Variants in FLNB observed in about 807,000 individuals in gnomAD.
FLNB encodes filamin B.
Under a neutral mutation model 250.6 loss-of-function variants are expected in FLNB, and 111 were observed. The ratio of observed to expected loss-of-function variants is 0.44; its 90% confidence interval spans 0.38 to 0.52. The LOEUF (loss-of-function observed/expected upper bound fraction) is 0.52, where lower values mean the gene tolerates loss of function less well. Ranked by LOEUF, FLNB falls within the 20% of genes least tolerant of loss-of-function variation. FLNB has a pLI of 0.00. For missense variants in FLNB, 2,869 were observed against 3,447.8 expected (o/e 0.83, Z 4.20); for synonymous variants, 1,302 against 1,372.1 (o/e 0.95, Z 1.13).
chr3:58,024,729 AAC>A (rs2097120679), intron 1 of FLNB, among the ~76,000 whole-genome samples: 1 of 86,722 alleles, frequency 1.2e-5, no homozygotes, highest in Non-Finnish European at 1.9e-5. Context: ...TTTTTTTTTT[AAC>A]CTTGAGACAG....
At chr3:58,131,136 T>C (rs1328902377) in intron 25 of FLNB, among the ~76,000 whole-genome samples, 1 of 152,218 alleles carries the variant, frequency 6.6e-6, no homozygotes, top group East Asian at 1.9e-4. Flanking sequence ...GCTATCAATT[T>C]CTTAGAGGAA....
rs200328630 is a variant in FLNB at position 58,170,615 on chromosome 3, C to T, written c.7662C>T (p.Thr2554=). Residue 2554 remains threonine, a synonymous_variant, in exon 46 of 46, where the codon ACC becomes ACT. Coordinates refer to ENST00000295956, the MANE Select transcript of FLNB (RefSeq NM_001457.4). The part of the protein sequence containing the change: ...MLLIGVHGPT[T]PCEEVSMKHV... ...TGATCGGGGTCCATGGGCCCACCAC[C>T]CCCTGCGAGGAGGTCTCCATGAAGC... 2 of 1,614,152 alleles carry T rather than the reference C, an allele frequency of 1.2e-6. No individual in the cohort carries two copies. The highest frequency in any genetic ancestry group is 1.7e-6 in the Non-Finnish European group (2 of 1,180,044).
chr3:58,018,277 T>C (rs2097108591), intron 1 of FLNB, among the ~76,000 whole-genome samples: 1 of 150,496 alleles, frequency 6.6e-6, no homozygotes, highest in Non-Finnish European at 1.5e-5. Context: ...AGACATTAAA[T>C]GAGACAGCGA....
chr3:58,094,819 G>A lies in FLNB; in HGVS notation c.788-17G>A, dbSNP rs758651741. ...CCCTCGCCTGGCTTCTAACATGTCT[G>A]TGTAAACCTGTGGCAGGAATCGAGC... On this transcript the variant is annotated splice_polypyrimidine_tract_variant and intron_variant, in intron 4 of 45. Transcript: ENST00000295956. 1.0e-5 allele frequency: 16 copies of A among 1,606,652 alleles called. No individual in the cohort carries two copies. The highest frequency in any genetic ancestry group is 1.4e-5 in the Non-Finnish European group (16 of 1,173,284).
At chr3:58,019,192 C>T (rs2097110201) in intron 1 of FLNB, among the ~76,000 whole-genome samples, 1 of 152,154 alleles carries the variant, frequency 6.6e-6, no homozygotes, top group Admixed American at 6.6e-5. Context: ...AATAATGCTG[C>T]ACGCAGTACC....
At chr3:58,075,063 TA>T (rs1217853945) in intron 1 of FLNB, among the ~76,000 whole-genome samples, 26 of 152,224 alleles carry the variant, frequency 1.7e-4, no homozygotes, top group Non-Finnish European at 1.5e-5. Context: ...TCAGGTTAAT[TA>T]AAAAAATAAG....
intron 42 of FLNB, among the ~76,000 whole-genome samples, chr3:58,161,092 G>A (rs1189697151): frequency 1.3e-5 from 2 of 152,214 alleles, no homozygotes; most frequent in Non-Finnish European, 2.9e-5. Context: ...AAAGGATGGG[G>A]TCAGATCCTG....
At chr3:58,072,935 G>A (rs62259287) in intron 1 of FLNB, among the ~76,000 whole-genome samples, 184 of 152,230 alleles carry the variant, frequency 1.2e-3, no homozygotes, top group Non-Finnish European at 2.2e-3. Context: ...AGAGCAAGCC[G>A]ATTTCATGTT....
intron 36 of FLNB, chr3:58,149,249 TC>T: frequency 3.5e-6 from 1 of 287,504 alleles, no homozygotes; most frequent in South Asian, 3.9e-5. Context: ...ATGAAGCATC[TC>T]TTTCTGTTTT....
intron 1 of FLNB, among the ~76,000 whole-genome samples, chr3:58,070,903 G>T (rs2097193461): frequency 6.6e-6 from 1 of 150,468 alleles, no homozygotes; most frequent in South Asian, 2.1e-4. Flanking sequence ...GCCCTCCTTG[G>T]CCTCCCAAAG....
At position 58,097,841 on chromosome 3, in the gene FLNB, C is replaced by T. The variant is rs772334350; in HGVS notation, c.1011C>T (p.His337=). Residue 337 remains histidine, a synonymous_variant, in exon 7 of 46, where the codon CAC becomes CAT. Coordinates refer to ENST00000295956, the MANE Select transcript of FLNB (RefSeq NM_001457.4). ...HKVTVLFAGQ[H]ISKSPFEVSV... is the part of the protein sequence containing the mutation. Reference sequence around the variant, plus strand: ...TCACAGTCCTCTTTGCAGGACAGCACATCTCCAAGAGCCCATTTGAAGTGA... The same window carrying T: ...TCACAGTCCTCTTTGCAGGACAGCATATCTCCAAGAGCCCATTTGAAGTGA... 6.8e-6 allele frequency: 11 copies of T among 1,613,988 alleles called. No individual in the cohort carries two copies. Among genetic ancestry groups the T allele is most frequent in the South Asian group, 4.4e-5 (4 of 91,080 alleles).
chr3:58,168,844 C>T (rs1286246753), intron 44 of FLNB, 186 bp downstream of exon 44: 12 of 641,000 alleles, frequency 1.9e-5, no homozygotes, highest in African/African-American at 9.0e-5. Flanking sequence ...AGAGTGGAGC[C>T]GTGCAGAAGT....
intron 1 of FLNB, among the ~76,000 whole-genome samples, chr3:58,037,845 A>G (rs936146608): frequency 6.6e-6 from 1 of 152,250 alleles, no homozygotes; most frequent in African/African-American, 2.4e-5. Flanking sequence ...ATGATCTTAA[A>G]TGAAAACCAC....
At position 58,081,544 on chromosome 3, in the gene FLNB, G is replaced by T. The variant is rs1437742057; in HGVS notation, c.640-85G>T. 3.4e-5 allele frequency: 42 copies of T among 1,246,772 alleles called. 1 individual carries two copies. In the South Asian group the frequency reaches 4.7e-4, roughly 14 times the overall value. The allele number at this position is 1,246,772 out of a possible 1,614,324, so 77.2% of individuals were successfully genotyped here. A position where few individuals can be genotyped will look rare whatever the true frequency, so the allele number is the denominator to read the frequency against. The stretch of plus-strand genomic sequence containing the variant: ...GACTCAGTTTCTTAATATTTGTAGT[G>T]CTTGGTTTAAGAGGCATTTGCAAAC... On this transcript the variant is annotated intron_variant, in intron 3 of 45. Transcript: ENST00000295956.
chr3:58,016,342 C>G (rs929063014), intron 1 of FLNB, among the ~76,000 whole-genome samples: 3 of 152,008 alleles, frequency 2.0e-5, no homozygotes, highest in Admixed American at 6.6e-5. Flanking sequence ...GCGTGAGCCA[C>G]GGCATCCAGC....
intron 38 of FLNB, chr3:58,152,794 G>A (rs745570431): frequency 3.8e-6 from 5 of 1,317,138 alleles, no homozygotes; most frequent in Middle Eastern, 2.1e-4. Flanking sequence ...GCAGTGCTCC[G>A]TGCCCCGCAT....
intron 18 of FLNB, among the ~76,000 whole-genome samples, chr3:58,116,265 C>T (rs1015242160): frequency 2.0e-5 from 3 of 152,194 alleles, no homozygotes; most frequent in East Asian, 3.8e-4. Flanking sequence ...CCCCCTGACA[C>T]GGGGGAGGGA....
At chr3:58,098,446 T>A (rs539713187) in intron 7 of FLNB, among the ~76,000 whole-genome samples, 1 of 152,216 alleles carries the variant, frequency 6.6e-6, no homozygotes, top group Non-Finnish European at 1.5e-5. Flanking sequence ...TTCTCATACA[T>A]CAGCCTCTCA....
At chr3:58,148,974 T>C (rs2097340462) in intron 36 of FLNB, 122 bp downstream of exon 36, 2 of 869,280 alleles carry the variant, frequency 2.3e-6, no homozygotes, top group Non-Finnish European at 3.8e-6. Flanking sequence ...AAGCTATAGG[T>C]CCTTCTGCCT....
Sources: gnomAD v4.1 joint callset for allele counts (sites outside exome capture counted in the v4.1 genomes callset) on GRCh38, gnomAD v4.1.1 for gene constraint, MANE v1.5 for transcripts, NCBI Gene and HGNC (gene_info 2026-07-23, HGNC 2026-07-21) for gene names.